Variants in TOE1 observed in about 807,000 individuals in gnomAD.
The protein encoded by TOE1 is target of EGR1 protein 1.
Under a neutral mutation model 49.2 loss-of-function variants are expected in TOE1, and 50 were observed. The ratio of observed to expected loss-of-function variants is 1.02; its 90% CI spans 0.81 to 1.29. The LOEUF is 1.29. Among genes scored for constraint, TOE1 ranks in the 50% most tolerant of loss-of-function variants. The pLI is 0.00. For synonymous variants in TOE1, 221 were observed against 247.0 expected (o/e 0.89, Z 0.99); for missense variants, 544 against 654.4 (o/e 0.83, Z 1.84).
chr1:45,342,750 C>T (rs746073923), intron 6 of TOE1, 93 bp from the exon 7 acceptor site: 1 of 1,601,232 alleles, frequency 6.2e-7, no homozygotes, highest in Non-Finnish European at 8.5e-7. Context: ...GTTTTAGGTG[C>T]TGAGGATTCA....
intron 3 of TOE1, 47 bp from the exon 4 acceptor site, chr1:45,341,426 C>A: frequency 1.9e-6 from 3 of 1,613,962 alleles, no homozygotes; most frequent in Non-Finnish European, 2.5e-6. Context: ...TTGGGTCCTT[C>A]ATAAGGCTAA....
rs1647056524 is a variant in TOE1 at position 45,342,553 on chromosome 1, T to C, written c.662T>C (p.Met221Thr). ...ACCTTCACCGCTGACCTGTGTGAGA[T>C]GTTCCCAGCAGGCATTTATGACACC... Reference protein sequence around the residue: ...LGTFTADLCEMFPAGIYDTKY... With the variant: ...LGTFTADLCETFPAGIYDTKY... The change falls in exon 6 of 8, where the codon ATG (methionine) becomes ACG (threonine). Residue 221 changes from methionine (M) to threonine (T), a missense_variant. Transcript: ENST00000372090. 1 of 1,614,080 alleles carries C rather than the reference T, an allele frequency of 6.2e-7. No homozygotes were observed. The highest frequency in any genetic ancestry group is 1.3e-5 in the African/African-American group (1 of 74,918).
At position 45,341,089 on chromosome 1, in the gene TOE1, CACA is replaced by C. The variant is rs756382578; in HGVS notation, c.73_75del (p.Thr25del). ...AACCCCCAGGTGGTGTCAGCAAAAGCACAACATCTGGGGAGGAGCTAGTAGTCC... is the reference window on the plus strand; with the variant it reads ...AACCCCCAGGTGGTGTCAGCAAAAGCACATCTGGGGAGGAGCTAGTAGTCC... On this transcript the variant is annotated inframe_deletion, in exon 2 of 8. Transcript: ENST00000372090. 2.5e-6 allele frequency: 4 copies of C among 1,614,186 alleles called. No homozygotes were observed. The highest frequency in any genetic ancestry group is 2.2e-5 in the East Asian group (1 of 44,884).
chr1:45,340,489 G>C, intron 1 of TOE1, 185 bp downstream of exon 1: 1 of 1,454,228 alleles, frequency 6.9e-7, no homozygotes, highest in South Asian at 1.4e-5. Flanking sequence ...TGGAGCGTTG[G>C]GAGCATGGGG....
At position 45,342,366 on chromosome 1, in the gene TOE1, C is replaced by A; in HGVS notation, c.493-18C>A. 1 of 1,612,336 alleles carries A rather than the reference C, an allele frequency of 6.2e-7. No homozygotes were observed. Among genetic ancestry groups the A allele is most frequent in the South Asian group, 1.1e-5 (1 of 90,958 alleles). On this transcript the variant is annotated intron_variant, in intron 5 of 7. Coordinates refer to ENST00000372090, the MANE Select transcript of TOE1 (RefSeq NM_025077.4). Reference sequence around the variant, plus strand: ...GGGGGACTCTGTCCTCCTCATTGACCCCTTTACTTTCATCTAGGGTGATGA... The same window carrying A: ...GGGGGACTCTGTCCTCCTCATTGACACCTTTACTTTCATCTAGGGTGATGA...
rs140119746 is a variant in TOE1 at position 45,343,328 on chromosome 1, G to A, written c.1159G>A (p.Asp387Asn). The change falls in exon 8 of 8, where the codon GAT becomes AAT. Residue 387 changes from aspartate (D) to asparagine (N), a missense_variant. By Grantham distance (23) the Asp-to-Asn change is conservative. Transcript: ENST00000372090. This position sits in a 1 kb window ranked among gnomAD's most constrained non-coding sequence, Gnocchi z 4.3. The stretch of plus-strand genomic sequence containing the variant: ...AGAAACCGAGCAGGAGGTGGCTGCC[G>A]ATGAAACTAGGAACCTGCCTCACTC... ...PEETEQEVAA[D>N]ETRNLPHSKQ... 2.2e-5 allele frequency: 35 copies of A among 1,613,934 alleles called. No homozygotes were observed. The highest frequency in any genetic ancestry group is 1.0e-4 in the Admixed American group (6 of 59,996).
intron 4 of TOE1, 95 bp downstream of exon 4, chr1:45,341,664 A>G (rs1379874386): frequency 8.3e-7 from 1 of 1,205,294 alleles, no homozygotes; most frequent in Non-Finnish European, 1.2e-6. Flanking sequence ...TTCTCTCCCA[A>G]ATCTTTTTTT....
Position 45,341,216 on chromosome 1 carries a change from G to A in TOE1, c.195+1G>A. The A allele has an allele frequency of 6.2e-7, 1 of 1,614,184 alleles. No homozygotes were observed. Among genetic ancestry groups the A allele is most frequent in the Non-Finnish European group, 8.5e-7 (1 of 1,180,026 alleles). The stretch of plus-strand genomic sequence containing the variant: ...AGCTAATTTCGTGGCTGTGGACACG[G>A]TGAGAGTTGGGAAACAAGGAGGGCA... On this transcript the variant is annotated splice_donor_variant, in intron 2 of 7. Coordinates refer to ENST00000372090, the MANE Select transcript of TOE1 (RefSeq NM_025077.4). LOFTEE classifies it high-confidence loss of function.
At position 45,341,062 on chromosome 1, in the gene TOE1, C is replaced by G. The variant is rs1646928216; in HGVS notation, c.53-11C>G. 9 of 1,614,180 alleles carry G rather than the reference C, an allele frequency of 5.6e-6. No homozygotes were observed. The East Asian group carries it at 2.0e-4, about 36-fold the overall frequency. On this transcript the variant is annotated splice_polypyrimidine_tract_variant and intron_variant, in intron 1 of 7. Coordinates refer to ENST00000372090, the MANE Select transcript of TOE1 (RefSeq NM_025077.4). ...TTAAGCATGAACATCCATCACCCTCCTAACCCCCAGGTGGTGTCAGCAAAA... is the reference window on the plus strand; with the variant it reads ...TTAAGCATGAACATCCATCACCCTCGTAACCCCCAGGTGGTGTCAGCAAAA...
rs1274065909 is a variant in TOE1, at chr1:45,343,286, GA to G, written c.1118del (p.Asp373ValfsTer31). 2 of 1,614,078 alleles carry G rather than the reference GA, an allele frequency of 1.2e-6. No individual in the cohort carries two copies. Among genetic ancestry groups the G allele is most frequent in the Non-Finnish European group, 1.7e-6 (2 of 1,180,032 alleles). On this transcript the variant is annotated frameshift_variant, in exon 8 of 8. Coordinates refer to ENST00000372090, the MANE Select transcript of TOE1 (RefSeq NM_025077.4). LOFTEE classifies it high-confidence loss of function. The surrounding 1 kb of genome is among the most constrained non-coding windows in gnomAD (Gnocchi z 4.3). ...DGPPKKQVCG[D>X]SIKPEETEQE... ...TCCTCCCAAGAAGCAGGTCTGTGGG[GA>G]TAGCATCAAGCCTGAAGAAACCGAG...
chr1:45,341,369 G>A (rs765823804), intron 3 of TOE1, 26 bp downstream of exon 3: 1 of 1,614,168 alleles, frequency 6.2e-7, no homozygotes, highest in East Asian at 2.2e-5. Flanking sequence ...TTTCTCTTTA[G>A]TGCCAGCCCT....
intron 1 of TOE1, chr1:45,340,683 G>T: frequency 1.1e-6 from 1 of 927,136 alleles, no homozygotes; most frequent in Non-Finnish European, 1.5e-6. Context: ...TGTGGCGCTG[G>T]GGCACCATGA....
chr1:45,343,077 C>G lies in TOE1; in HGVS notation c.913-5C>G, dbSNP rs1647074401. ...CCTCTTTCTAAGCCTCTTTCCCACC[C>G]CTAGGCTTATGGCTGGTGCCCCCTG... On this transcript the variant is annotated splice_polypyrimidine_tract_variant and splice_region_variant and intron_variant, in intron 7 of 7. Transcript: ENST00000372090. The surrounding 1 kb of genome is among the most constrained non-coding windows in gnomAD (Gnocchi z 4.3). 1 of 1,613,452 alleles carries G rather than the reference C, an allele frequency of 6.2e-7. No individual in the cohort carries two copies. The highest frequency in any genetic ancestry group is 1.3e-5 in the African/African-American group (1 of 74,852).
At position 45,341,468 on chromosome 1, in the gene TOE1, C is replaced by T. The variant is rs763509341; in HGVS notation, c.237-5C>T. 10 of 1,613,962 alleles carry T rather than the reference C, an allele frequency of 6.2e-6. No homozygotes were observed. Among genetic ancestry groups the T allele is most frequent in the Non-Finnish European group, 8.5e-6 (10 of 1,180,012 alleles). The stretch of plus-strand genomic sequence containing the variant: ...GCCACAGCAACCCCCATACCCAACC[C>T]CAAGGTGCATTGAGGAACGTTACAA... On this transcript the variant is annotated splice_polypyrimidine_tract_variant and splice_region_variant and intron_variant, in intron 3 of 7. Coordinates refer to ENST00000372090, the MANE Select transcript of TOE1 (RefSeq NM_025077.4).
rs900410389 is a variant in TOE1, at chr1:45,343,755, G to T, written c.*53G>T. 8.4e-6 allele frequency: 13 copies of T among 1,554,928 alleles called. No individual in the cohort carries two copies. In the African/African-American group the frequency reaches 1.8e-4, roughly 21 times the overall value. ...AACAGAGGTATTTTGGGTCTCTCTA[G>T]CCTGAAATGTCATCCTCAACTGCTA... On this transcript the variant is annotated 3_prime_UTR_variant, in exon 8 of 8. Coordinates refer to ENST00000372090, the MANE Select transcript of TOE1 (RefSeq NM_025077.4). The surrounding 1 kb of genome is among the most constrained non-coding windows in gnomAD (Gnocchi z 4.3).
Position 45,340,269 on chromosome 1 carries a change from A to G in TOE1, c.17A>G (p.Asp6Gly), listed in dbSNP as rs562733690. Residue 6 changes from aspartate (D) to glycine (G), a missense_variant, in exon 1 of 8, where the codon GAC (aspartate) becomes GGC (glycine). Coordinates refer to ENST00000372090, the MANE Select transcript of TOE1 (RefSeq NM_025077.4). ...AGCGGTGTCATGGCCGCCGACAGTG[A>G]CGATGGCGCAGTTTCAGCTCCCGCA... is the stretch of plus-strand genomic sequence containing the variant. The part of the protein sequence containing the change: MAADS[D>G]DGAVSAPAAS... 1.2e-6 allele frequency: 2 copies of G among 1,613,788 alleles called. No homozygotes were observed. The highest frequency in any genetic ancestry group is 2.2e-5 in the South Asian group (2 of 91,070).
Position 45,340,191 on chromosome 1 carries a change from C to T in TOE1, c.-62C>T. 6.2e-7 allele frequency: 1 copy of T among 1,613,256 alleles called. No individual in the cohort carries two copies. Among genetic ancestry groups the T allele is most frequent in the Non-Finnish European group, 8.5e-7 (1 of 1,179,856 alleles). On this transcript the variant is annotated 5_prime_UTR_variant, in exon 1 of 8. Coordinates refer to ENST00000372090, the MANE Select transcript of TOE1 (RefSeq NM_025077.4). ...CCATCCCCGACTGCCTGAACCGCGCCAGGAGACGGACCGCAAGTCCAGCGT... is the reference window on the plus strand; with the variant it reads ...CCATCCCCGACTGCCTGAACCGCGCTAGGAGACGGACCGCAAGTCCAGCGT...
At position 45,343,785 on chromosome 1, in the gene TOE1, G is replaced by A. The variant is rs557566653; in HGVS notation, c.*83G>A. ...AAATGTCATCCTCAACTGCTACTGA[G>A]TTTAGGGGAGGGGGAATGTCTTGAC... On this transcript the variant is annotated 3_prime_UTR_variant, in exon 8 of 8. Coordinates refer to ENST00000372090, the MANE Select transcript of TOE1 (RefSeq NM_025077.4). This position sits in a 1 kb window ranked among gnomAD's most constrained non-coding sequence, Gnocchi z 4.3. The A allele has an allele frequency of 4.1e-6, 6 of 1,477,662 alleles. No homozygotes were observed. The highest frequency in any genetic ancestry group is 4.6e-5 in the East Asian group (2 of 43,870). 91.5% of individuals were successfully genotyped at this position (1,477,662 alleles called of 1,614,324 possible). A position where few individuals can be genotyped will look rare whatever the true frequency, so the allele number is the denominator to read the frequency against.
At chr1:45,342,758 T>A in intron 6 of TOE1, 85 bp from the exon 7 acceptor site, 1 of 1,603,550 alleles carries the variant, frequency 6.2e-7, no homozygotes, top group Non-Finnish European at 8.5e-7. Flanking sequence ...TGCTGAGGAT[T>A]CAGCAGTGAA....
Sources: gnomAD v4.1 joint callset for allele counts on GRCh38, gnomAD v4.1.1 for gene constraint, Gnocchi (gnomAD v3.1) non-coding constraint, MANE v1.5 for transcripts, NCBI Gene and HGNC (gene_info 2026-07-23, HGNC 2026-07-21) for gene names.